LPP: variants seen among roughly 807,000 people sequenced by gnomAD.
LPP encodes the protein LIM domain containing preferred translocation partner in lipoma, also known as lipoma-preferred partner.
In LPP, 38 loss-of-function variants were observed where a neutral mutation model predicts 60.4. That is an observed-to-expected ratio of 0.63 (90% CI 0.49 to 0.83). LPP has a LOEUF of 0.83. Among genes scored for constraint, LPP ranks in the 40% least tolerant of loss-of-function variants. LPP has a pLI of 0.00. For synonymous variants in LPP, 328 were observed against 290.8 expected (o/e 1.13, Z -1.30); for missense variants, 902 against 783.6 (o/e 1.15, Z -1.80).
chr3:188,757,072 G>A (rs367740842), intron 8 of LPP, among the ~76,000 whole-genome samples: 46 of 152,188 alleles, frequency 3.0e-4, no homozygotes, highest in African/African-American at 9.6e-4. Context: ...TTGAAGGTTC[G>A]GCTCAAATGC....
intron 7 of LPP, among the ~76,000 whole-genome samples, chr3:188,628,622 G>C (rs1320109314): frequency 6.6e-6 from 1 of 151,920 alleles, no homozygotes; most frequent in East Asian, 1.9e-4. Flanking sequence ...CTACCAACCA[G>C]TAAAAGTTCT....
intron 8 of LPP, among the ~76,000 whole-genome samples, chr3:188,719,875 C>A (rs530544628): frequency 3.9e-4 from 60 of 152,254 alleles, no homozygotes; most frequent in Non-Finnish European, 5.9e-4. Context: ...ATTGTTTGAA[C>A]ATCTCTGGAG....
At chr3:188,212,877 ACAGCCTGTGGGCTGGCT>A in intron 1 of LPP, 1 of 152,260 alleles carries the variant, frequency 6.6e-6, no homozygotes, top group Non-Finnish European at 1.5e-5. Context: ...CCTGGGGCTT[ACAGCCTGTGGGCTGGCT>A]CACTTGCATG....
chr3:188,824,127 T>C (rs1754737593), intron 9 of LPP, among the ~76,000 whole-genome samples: 4 of 152,282 alleles, frequency 2.6e-5, no homozygotes, highest in East Asian at 1.9e-4. Context: ...TGTATACTAG[T>C]AGTGTGATTT....
intron 5 of LPP, among the ~76,000 whole-genome samples, chr3:188,524,089 C>T (rs2150178821): frequency 6.6e-6 from 1 of 152,296 alleles, no homozygotes; most frequent in East Asian, 1.9e-4. Flanking sequence ...CCCTGCAGCC[C>T]CTTGGCAGAA....
Position 188,495,082 on chromosome 3 carries a change from A to ATTTTTT in LPP, c.306+10382_306+10383insTTTTTT, listed in dbSNP as rs373434961. ...CAGGATTTTATATATATATATATATATTTTATTTATATTTTATTATATATT... is the reference window on the plus strand; with the variant it reads ...CAGGATTTTATATATATATATATATATTTTTTTTTTATTTATATTTTATTATATATT... On this transcript the variant is annotated intron_variant, in intron 5 of 11. Coordinates refer to ENST00000617246, the MANE Select transcript of LPP (RefSeq NM_001375462.1). Among the ~76,000 whole-genome samples, 796 of 97,246 alleles carry ATTTTTT rather than the reference A, an allele frequency of 8.2e-3. 53 individuals are homozygous for ATTTTTT. Among genetic ancestry groups the ATTTTTT allele is most frequent in the African/African-American group, 0.03 (765 of 25,082 alleles). 63.8% of individuals were successfully genotyped at this position (97,246 alleles called of 152,430 possible).
At chr3:188,299,163 A>G (rs1748913193) in intron 2 of LPP, among the ~76,000 whole-genome samples, 1 of 152,178 alleles carries the variant, frequency 6.6e-6, no homozygotes, top group Non-Finnish European at 1.5e-5. Context: ...TTTCCTTCAC[A>G]CAGCCTCGGA....
chr3:188,708,268 G>C lies in LPP; in HGVS notation c.1115G>C (p.Gly372Ala). 6.2e-7 allele frequency: 1 copy of C among 1,614,018 alleles called. No individual in the cohort carries two copies. The highest frequency in any genetic ancestry group is 8.5e-7 in the Non-Finnish European group (1 of 1,179,968). The change falls in exon 8 of 12, where the codon GGT becomes GCT. Residue 372 changes from glycine to alanine, a missense_variant and splice_region_variant. Gly to Ala is a moderately conservative substitution (Grantham distance 60). Coordinates refer to ENST00000617246, the MANE Select transcript of LPP (RefSeq NM_001375462.1). ...APCAPPLQPK[G>A]GHSGQLGPSS... is the part of the protein sequence containing the mutation. ...GACTGTGTGCTTTCTGCCTTTCAGG[G>C]TGGCCATTCAGGGCAACTGGGGCCT... is the stretch of plus-strand genomic sequence containing the variant.
intron 7 of LPP, among the ~76,000 whole-genome samples, chr3:188,687,751 C>T (rs1861108797): frequency 6.6e-6 from 1 of 150,902 alleles, no homozygotes; most frequent in Non-Finnish European, 1.5e-5. Context: ...CCATGTCATC[C>T]TGTCTAACCA....
At chr3:188,311,604 C>T (rs1486426264) in intron 2 of LPP, among the ~76,000 whole-genome samples, 20 of 151,802 alleles carry the variant, frequency 1.3e-4, no homozygotes, top group Admixed American at 1.1e-3. Context: ...CTGAATTCAT[C>T]GTTCTCTTTG....
chr3:188,347,833 A>G (rs1168431586), intron 3 of LPP, among the ~76,000 whole-genome samples: 1 of 152,232 alleles, frequency 6.6e-6, no homozygotes, highest in African/African-American at 2.4e-5. Flanking sequence ...CAATGGCAGT[A>G]CCTTCACCTT....
chr3:188,410,678 C>T (rs1343350263), intron 4 of LPP, among the ~76,000 whole-genome samples: 1 of 152,088 alleles, frequency 6.6e-6, no homozygotes, highest in East Asian at 1.9e-4. Context: ...CAAATGCTTT[C>T]TCTGTGTTCA....
At chr3:188,386,260 GCGCGCACACACA>G (rs200876934) in intron 3 of LPP, among the ~76,000 whole-genome samples, 4,630 of 96,800 alleles carry the variant, frequency 0.048, 212 homozygotes, top group African/African-American at 0.15. Context: ...GTCATAGCAT[GCGCGCACACACA>G]CACACACACA....
intron 6 of LPP, among the ~76,000 whole-genome samples, chr3:188,525,107 C>A (rs1247691636): frequency 6.6e-6 from 1 of 151,886 alleles, no homozygotes; most frequent in Non-Finnish European, 1.5e-5. Context: ...GCTGGGATTA[C>A]AGGCGCCTGC....
At chr3:188,366,409 G>A (rs755253626) in intron 3 of LPP, among the ~76,000 whole-genome samples, 238 of 152,220 alleles carry the variant, frequency 1.6e-3, no homozygotes, top group Non-Finnish European at 2.8e-3. Flanking sequence ...GCTGGGCTCC[G>A]TGGTGAAGGG....
At position 188,889,820 on chromosome 3, in the gene LPP, T is replaced by C; in HGVS notation, c.*15341T>C. ...CTCTTTGGCAAAAGGGTGATACTTTTCACTAAAAATGCCTACTCTTCCTGT... is the reference window on the plus strand; with the variant it reads ...CTCTTTGGCAAAAGGGTGATACTTTCCACTAAAAATGCCTACTCTTCCTGT... On this transcript the variant is annotated 3_prime_UTR_variant, in exon 12 of 12. Transcript: ENST00000617246. 1 of 215,074 alleles carries C rather than the reference T, an allele frequency of 4.6e-6. No individual in the cohort carries two copies. Among genetic ancestry groups the C allele is most frequent in the Non-Finnish European group, 9.4e-6 (1 of 106,542 alleles). The allele number at this position is 215,074 out of a possible 1,614,324, so 13.3% of individuals were successfully genotyped here.
chr3:188,554,111 A>G (rs954016504), intron 6 of LPP: 2 of 152,132 alleles, frequency 1.3e-5, no homozygotes, highest in Non-Finnish European at 2.9e-5. Context: ...TTTGAAGGAA[A>G]ACTGCAAGTT....
At chr3:188,240,274 G>T (rs190889963) in intron 2 of LPP, 2 of 170,052 alleles carry the variant, frequency 1.2e-5, no homozygotes, top group African/African-American at 4.8e-5. Flanking sequence ...GGGGAACATG[G>T]GTAGGAATAG....
chr3:188,455,502 A>T (rs1200522476), intron 4 of LPP, among the ~76,000 whole-genome samples: 1 of 152,182 alleles, frequency 6.6e-6, no homozygotes, highest in Non-Finnish European at 1.5e-5. Flanking sequence ...AATTTCCTTG[A>T]TTGGCAAAGT....
Sources: gnomAD v4.1 joint callset for allele counts (sites outside exome capture counted in the v4.1 genomes callset) on GRCh38, gnomAD v4.1.1 for gene constraint, MANE v1.5 for transcripts, NCBI Gene and HGNC (gene_info 2026-07-23, HGNC 2026-07-21) for gene names.